The following MYO18B variants were observed in gnomAD, a reference collection of about 807,000 sequenced individuals.
MYO18B encodes the protein myosin XVIIIB.
A neutral mutation model predicts 273.0 loss-of-function variants in MYO18B; 204 were observed. The ratio of observed to expected loss-of-function variants is 0.75; its 90% confidence interval spans 0.67 to 0.84. MYO18B has a LOEUF of 0.84. Among genes scored for constraint, MYO18B ranks in the 40% least tolerant of loss-of-function variants. The pLI is 0.00. For missense variants in MYO18B, 3,212 were observed against 3,287.6 expected (o/e 0.98, Z 0.56); for synonymous variants, 1,330 against 1,305.7 (o/e 1.02, Z -0.40).
chr22:25,911,095 A>G (rs201994449), intron 33 of MYO18B, 45 bp downstream of exon 33: 71 of 1,438,458 alleles, frequency 4.9e-5, no homozygotes, highest in Admixed American at 7.7e-5. Context: ...TATCTCAGGG[A>G]CCTATTTGAG....
intron 28 of MYO18B, chr22:25,898,058 G>A: frequency 2.2e-6 from 1 of 452,148 alleles, no homozygotes. Flanking sequence ...GAGGTTTATT[G>A]AGCAAAAGTA....
At chr22:25,989,747 G>C (rs80213128) in intron 39 of MYO18B, among the ~76,000 whole-genome samples, 10,095 of 137,008 alleles carry the variant, frequency 0.074, 1,011 homozygotes, top group African/African-American at 0.22. Context: ...GCAGTAAGCC[G>C]AGATAGTGAG....
chr22:25,921,703 TGTG>T (rs1257697343), intron 34 of MYO18B, among the ~76,000 whole-genome samples: 22 of 6,240 alleles, frequency 3.5e-3, no homozygotes, highest in Non-Finnish European at 5.3e-3. Flanking sequence ...GTGTGCCTGT[TGTG>T]TGTGTGTGTG....
At chr22:25,773,243 G>T (rs559171336) in intron 7 of MYO18B, among the ~76,000 whole-genome samples, 1 of 152,164 alleles carries the variant, frequency 6.6e-6, no homozygotes, top group Non-Finnish European at 1.5e-5. Context: ...CACGCACAAA[G>T]AACATCAGGG....
chr22:25,983,984 A>T (rs374828658), intron 39 of MYO18B, among the ~76,000 whole-genome samples: 43 of 152,352 alleles, frequency 2.8e-4, no homozygotes, highest in African/African-American at 1.0e-3. Context: ...ATAGATTCTT[A>T]GACATCATTT....
the MYO18B span, among the ~76,000 whole-genome samples, chr22:26,057,919 C>A: frequency 6.6e-6 from 1 of 152,154 alleles, no homozygotes; most frequent in Non-Finnish European, 1.5e-5. Flanking sequence ...AGCATGTCAT[C>A]ACCCTTATAA....
intron 39 of MYO18B, among the ~76,000 whole-genome samples, chr22:25,967,144 A>G (rs186472171): frequency 1.6e-4 from 25 of 152,354 alleles, no homozygotes; most frequent in South Asian, 8.3e-4. Context: ...GATTTCATCA[A>G]TTGAACTTTC....
intron 11 of MYO18B, among the ~76,000 whole-genome samples, chr22:25,791,513 T>C (rs1483013013): frequency 6.6e-6 from 1 of 152,228 alleles, no homozygotes; most frequent in Non-Finnish European, 1.5e-5. Context: ...TGGAACTTAC[T>C]TGAGATCTGC....
intron 7 of MYO18B, among the ~76,000 whole-genome samples, chr22:25,775,834 C>T (rs566463647): frequency 3.3e-5 from 5 of 151,662 alleles, no homozygotes; most frequent in African/African-American, 1.2e-4. Context: ...TTTCTTTCAT[C>T]GATCATCTCT....
intron 25 of MYO18B, among the ~76,000 whole-genome samples, chr22:25,890,164 G>T (rs1255536835): frequency 2.0e-5 from 3 of 152,222 alleles, no homozygotes; most frequent in South Asian, 4.1e-4. Flanking sequence ...TGAATAGATA[G>T]CTATGGTAAA....
At chr22:25,992,801 A>G (rs893245505) in intron 40 of MYO18B, among the ~76,000 whole-genome samples, 7 of 152,136 alleles carry the variant, frequency 4.6e-5, no homozygotes, top group Non-Finnish European at 1.0e-4. Context: ...TAATTCTCTC[A>G]TCTGTAAAAT....
At chr22:25,816,392 A>G (rs955767359) in intron 12 of MYO18B, among the ~76,000 whole-genome samples, 5 of 152,122 alleles carry the variant, frequency 3.3e-5, no homozygotes, top group Admixed American at 1.3e-4. Context: ...CAGGTGCCCA[A>G]TGTGCAGGTT....
At position 25,868,414 on chromosome 22, in the gene MYO18B, C is replaced by T. The variant is rs368067665; in HGVS notation, c.3951+29C>T. Reference sequence around the variant, plus strand: ...AGTAGAGCTGCTTTCTTACAACATTCGCCCATCACATCAGGGACCCAGAGA... The same window carrying T: ...AGTAGAGCTGCTTTCTTACAACATTTGCCCATCACATCAGGGACCCAGAGA... On this transcript the variant is annotated intron_variant, in intron 22 of 43. Transcript: ENST00000335473. The T allele has an allele frequency of 4.9e-5, 77 of 1,560,118 alleles. No individual in the cohort carries two copies. The African/African-American group carries it at 6.9e-4, about 14-fold the overall frequency.
At chr22:25,769,530 G>C in intron 4 of MYO18B, 102 bp downstream of exon 4, 1 of 1,122,934 alleles carries the variant, frequency 8.9e-7, no homozygotes, top group African/African-American at 1.6e-5. Flanking sequence ...GGGGTGGACG[G>C]GGGGTGGGCA....
At chr22:25,816,131 G>A (rs2088993195) in intron 12 of MYO18B, among the ~76,000 whole-genome samples, 1 of 152,192 alleles carries the variant, frequency 6.6e-6, no homozygotes, top group African/African-American at 2.4e-5. Context: ...AGAATGAGAA[G>A]GTTACATTTT....
chr22:25,770,044 C>T (rs133903), intron 4 of MYO18B, 66 bp from the exon 5 acceptor site: 32 of 1,510,214 alleles, frequency 2.1e-5, no homozygotes, highest in Admixed American at 5.0e-5. Context: ...GAGAAACCCC[C>T]GTGTAAGGTA....
At chr22:25,857,108 C>G (rs2090594785) in intron 21 of MYO18B, among the ~76,000 whole-genome samples, 1 of 152,154 alleles carries the variant, frequency 6.6e-6, no homozygotes, top group Non-Finnish European at 1.5e-5. Context: ...AGGCTACCTC[C>G]TCTGGTTAGA....
At chr22:26,036,202 A>C in the MYO18B span, among the ~76,000 whole-genome samples, 1 of 152,202 alleles carries the variant, frequency 6.6e-6, no homozygotes, top group Non-Finnish European at 1.5e-5. Flanking sequence ...AAGGTGATGG[A>C]CAGTTCACAC....
chr22:25,836,223 T>C (rs979344532), intron 17 of MYO18B, among the ~76,000 whole-genome samples: 7 of 152,176 alleles, frequency 4.6e-5, no homozygotes, highest in African/African-American at 1.7e-4. Flanking sequence ...ATTTCTGCTT[T>C]CCCCTGCATG....
Sources: allele counts gnomAD v4.1 joint callset (sites outside exome capture counted in the v4.1 genomes callset), GRCh38; gene constraint gnomAD v4.1.1; transcripts MANE v1.5; gene names NCBI Gene and HGNC (gene_info 2026-07-23, HGNC 2026-07-21).